The following VIT variants were observed in gnomAD, a reference collection of about 807,000 sequenced individuals.
VIT encodes the protein vitrin.
A neutral mutation model predicts 78.0 loss-of-function variants in VIT; 99 were observed. That is an observed-to-expected ratio of 1.27 (90% CI 1.08 to 1.50). The LOEUF (loss-of-function observed/expected upper bound fraction) is 1.50, where lower values mean the gene tolerates loss of function less well. Among genes scored for constraint, VIT ranks in the 40% most tolerant of loss-of-function variants. VIT has a pLI of 0.00. For synonymous variants in VIT, 374 were observed against 334.3 expected (o/e 1.12, Z -1.29); for missense variants, 1,126 against 875.3 (o/e 1.29, Z -3.61).
chr2:36,701,903 T>C (rs541136271), intron 1 of VIT, among the ~76,000 whole-genome samples: 14 of 152,306 alleles, frequency 9.2e-5, no homozygotes, highest in African/African-American at 3.1e-4. Context: ...GCCACCTCCA[T>C]GTGCTATTCC....
chr2:36,750,198 A>G (rs567674356), intron 4 of VIT, among the ~76,000 whole-genome samples: 2 of 152,248 alleles, frequency 1.3e-5, no homozygotes, highest in Non-Finnish European at 2.9e-5. Context: ...TCACCCTGAA[A>G]TCAATTTCAT....
intron 6 of VIT, among the ~76,000 whole-genome samples, chr2:36,766,020 T>C (rs1291707546): frequency 1.3e-5 from 2 of 152,178 alleles, no homozygotes; most frequent in East Asian, 3.9e-4. Flanking sequence ...GCTGTTCACT[T>C]TGGGGGCCAC....
chr2:36,719,779 T>A lies in VIT; in HGVS notation c.52+3357T>A, dbSNP rs570730153. On this transcript the variant is annotated intron_variant, in intron 2 of 15. Coordinates refer to ENST00000379242, the MANE Select transcript of VIT (RefSeq NM_053276.4). ...CATGGAGAAACCCTGTATCTACCAA[T>A]AAATTTTAAAAATTATCCAGGTGTG... 1.4e-4 allele frequency among the ~76,000 whole-genome samples: 21 copies of A among 152,168 alleles called. No individual in the cohort carries two copies. The South Asian group carries it at 4.4e-3, about 32-fold the overall frequency.
At chr2:36,728,108 T>C in intron 2 of VIT, among the ~76,000 whole-genome samples, 1 of 152,142 alleles carries the variant, frequency 6.6e-6, no homozygotes, top group Admixed American at 6.5e-5. Context: ...TTTTTGTATT[T>C]TTAGTAGAGA....
intron 2 of VIT, among the ~76,000 whole-genome samples, chr2:36,719,915 G>A (rs550266264): frequency 2.6e-4 from 40 of 152,204 alleles, no homozygotes; most frequent in Admixed American, 2.2e-3. Context: ...GCACTCCAGC[G>A]TGGGTGACAG....
intron 12 of VIT, among the ~76,000 whole-genome samples, chr2:36,794,858 C>T (rs1324394301): frequency 6.6e-6 from 1 of 151,948 alleles, no homozygotes; most frequent in Non-Finnish European, 1.5e-5. Context: ...AAAAGAAATA[C>T]CGTTAAAAAA....
At chr2:36,744,974 T>C (rs1047581305) in intron 4 of VIT, among the ~76,000 whole-genome samples, 1 of 152,178 alleles carries the variant, frequency 6.6e-6, no homozygotes, top group African/African-American at 2.4e-5. Flanking sequence ...CTTTAATCCA[T>C]CTTGAGTTAA....
At position 36,795,195 on chromosome 2, in the gene VIT, T is replaced by C. The variant is rs77833735; in HGVS notation, c.1059-6106T>C. Among the ~76,000 whole-genome samples the C allele has an allele frequency of 9.9e-3, 1,501 of 152,230 alleles. 17 individuals are homozygous for C. Among genetic ancestry groups the C allele is most frequent in the African/African-American group, 0.034 (1,421 of 41,546 alleles). On this transcript the variant is annotated intron_variant, in intron 12 of 15. Coordinates refer to ENST00000379242, the MANE Select transcript of VIT (RefSeq NM_053276.4). ...CTGTATTTGCAAATTTGCCTACTCC[T>C]TAAAGTTTAAATTTATTTGTAATCT...
chr2:36,719,320 T>C (rs1209674257), intron 2 of VIT, among the ~76,000 whole-genome samples: 1 of 152,182 alleles, frequency 6.6e-6, no homozygotes, highest in Non-Finnish European at 1.5e-5. Context: ...TTCAGCATAG[T>C]ACTGGAAGTC....
At chr2:36,738,546 A>G (rs1667646443) in intron 3 of VIT, among the ~76,000 whole-genome samples, 1 of 152,162 alleles carries the variant, frequency 6.6e-6, no homozygotes, top group African/African-American at 2.4e-5. Context: ...CACTCCATCC[A>G]TTCATTTATT....
chr2:36,729,281 C>G (rs1302642300), intron 2 of VIT, 145 bp from the exon 3 acceptor site: 2 of 589,880 alleles, frequency 3.4e-6, no homozygotes, highest in African/African-American at 3.8e-5. Context: ...GTAGCCCCAT[C>G]ATTAAGTGAT....
chr2:36,745,328 G>T (rs1668074026), intron 4 of VIT, among the ~76,000 whole-genome samples: 1 of 151,930 alleles, frequency 6.6e-6, no homozygotes, highest in African/African-American at 2.4e-5. Flanking sequence ...TTTTAGAATA[G>T]TTTTTTCTAA....
At chr2:36,753,415 G>T (rs753742700) in intron 4 of VIT, among the ~76,000 whole-genome samples, 1 of 152,180 alleles carries the variant, frequency 6.6e-6, no homozygotes, top group African/African-American at 2.4e-5. Flanking sequence ...GGTGTCCGCG[G>T]CACCTTCTCA....
At chr2:36,786,014 C>G (rs539804920) in intron 11 of VIT, among the ~76,000 whole-genome samples, 1 of 152,192 alleles carries the variant, frequency 6.6e-6, no homozygotes, top group Non-Finnish European at 1.5e-5. Flanking sequence ...AAGACTCCAG[C>G]TCTGTGGCAA....
At chr2:36,789,223 C>A (rs1488687766) in intron 12 of VIT, among the ~76,000 whole-genome samples, 2 of 152,162 alleles carry the variant, frequency 1.3e-5, no homozygotes, top group Non-Finnish European at 2.9e-5. Flanking sequence ...GGCCTCAGCT[C>A]CTCTGTGTGA....
intron 3 of VIT, among the ~76,000 whole-genome samples, chr2:36,742,495 T>A (rs1242023110): frequency 6.6e-6 from 1 of 152,096 alleles, no homozygotes; most frequent in Non-Finnish European, 1.5e-5. Flanking sequence ...AGACAAAATA[T>A]CATGTTTTTG....
Position 36,775,054 on chromosome 2 carries a change from G to C in VIT, c.789G>C (p.Ala263=). ...CTGCCTTCCAGAAACCTGTTGGAGC[G>C]GATGTCAGCCTGGGTAAGCTGCCCA... ...SGAAFQKPVG[A]DVSLGEMDSW... The change falls in exon 9 of 16, where the codon GCG becomes GCC. Residue 263 remains alanine (A), a synonymous_variant. Coordinates refer to ENST00000379242, the MANE Select transcript of VIT (RefSeq NM_053276.4). 1 of 1,613,936 alleles carries C rather than the reference G, an allele frequency of 6.2e-7. No homozygotes were observed. Among genetic ancestry groups the C allele is most frequent in the South Asian group, 1.1e-5 (1 of 91,040 alleles).
At chr2:36,707,882 AAAG>A (rs902614861) in intron 1 of VIT, among the ~76,000 whole-genome samples, 10 of 151,510 alleles carry the variant, frequency 6.6e-5, no homozygotes, top group African/African-American at 2.2e-4. Flanking sequence ...AAAGGGAAGT[AAAG>A]AAGAATTGGG....
intron 11 of VIT, among the ~76,000 whole-genome samples, chr2:36,783,633 G>A (rs748869235): frequency 8.5e-5 from 13 of 152,174 alleles, no homozygotes; most frequent in Non-Finnish European, 1.6e-4. Flanking sequence ...ATGGCAACAG[G>A]GTGAAGAATG....
Sources: gnomAD v4.1 joint callset for allele counts (sites outside exome capture counted in the v4.1 genomes callset) on GRCh38, gnomAD v4.1.1 for gene constraint, MANE v1.5 for transcripts, NCBI Gene and HGNC (gene_info 2026-07-23, HGNC 2026-07-21) for gene names.